OR7A10: variants seen among roughly 807,000 people sequenced by gnomAD.
OR7A10 encodes olfactory receptor 7A10.
For synonymous variants in OR7A10, 144 were observed against 144.5 expected (o/e 1.00, Z 0.02); for missense variants, 358 against 370.1 (o/e 0.97, Z 0.27).
rs757736413 is a variant in OR7A10, at chr19:14,841,299, A to G, written c.579T>C (p.Phe193=). ...CAAAATACATCACTATGTCATTAAG[A>G]AAGGTGTCAGAACAGGCAAGGTGGA... is the stretch of plus-strand genomic sequence containing the variant. ...QVVHLACSDT[F]LNDIVMYFAV... Residue 193 remains phenylalanine (F), a synonymous_variant, in exon 2 of 2, where the codon TTT becomes TTC. Coordinates refer to ENST00000641129, the MANE Select transcript of OR7A10 (RefSeq NM_001005190.2). 1 of 1,614,192 alleles carries G rather than the reference A, an allele frequency of 6.2e-7. No individual in the cohort carries two copies. Among genetic ancestry groups the G allele is most frequent in the Non-Finnish European group, 8.5e-7 (1 of 1,180,028 alleles).
rs2145095301 is a variant in OR7A10 at position 14,841,446 on chromosome 19, C to A, written c.432G>T (p.Leu144=). ...VIMNPQLCGL[L]VLASWIMSVL... is the part of the protein sequence containing the mutation. ...CACTCATGATCCAGGATGCCAGAAC[C>A]AGCAGTCCACAGAGTTGAGGGTTCA... Residue 144 remains leucine (L), a synonymous_variant, in exon 2 of 2, where the codon CTG becomes CTT. Coordinates refer to ENST00000641129, the MANE Select transcript of OR7A10 (RefSeq NM_001005190.2). The A allele has an allele frequency of 6.2e-7, 1 of 1,614,136 alleles. No individual in the cohort carries two copies.
At chr19:14,844,942 C>T (rs1414678682) in intron 1 of OR7A10, among the ~76,000 whole-genome samples, 13 of 151,412 alleles carry the variant, frequency 8.6e-5, no homozygotes, top group Non-Finnish European at 1.6e-4. Flanking sequence ...GGATTATAGG[C>T]GTAAGCCACC....
intron 1 of OR7A10, among the ~76,000 whole-genome samples, chr19:14,847,736 G>A (rs1006774995): frequency 5.3e-5 from 8 of 151,512 alleles, no homozygotes; most frequent in African/African-American, 1.9e-4. Flanking sequence ...GGATGGTCTC[G>A]ATCTCCCGAC....
At chr19:14,846,853 G>A (rs1416019537) in intron 1 of OR7A10, among the ~76,000 whole-genome samples, 2 of 151,980 alleles carry the variant, frequency 1.3e-5, no homozygotes, top group Non-Finnish European at 2.9e-5. Context: ...AAGCTAAAAG[G>A]CACAATAAGG....
At chr19:14,843,613 G>A (rs959984996) in intron 1 of OR7A10, among the ~76,000 whole-genome samples, 1 of 152,158 alleles carries the variant, frequency 6.6e-6, no homozygotes, top group Non-Finnish European at 1.5e-5. Flanking sequence ...TCCCCGTTAG[G>A]AGATCCCCTT....
intron 1 of OR7A10, among the ~76,000 whole-genome samples, chr19:14,844,818 A>AC (rs2044933660): frequency 5.3e-5 from 8 of 151,016 alleles, no homozygotes; most frequent in Admixed American, 5.3e-4. Context: ...GCCTGCTACC[A>AC]CACCCGGCTA....
chr19:14,847,963 A>C lies in OR7A10; in HGVS notation c.-13+537T>G, dbSNP rs191548755. Reference sequence around the variant, plus strand: ...CATGGTGAAACCCTGTCTCTACTAAAAATACCAAATTTAGCTGGGTGTGGT... The same window carrying C: ...CATGGTGAAACCCTGTCTCTACTAACAATACCAAATTTAGCTGGGTGTGGT... On this transcript the variant is annotated intron_variant, in intron 1 of 1. Transcript: ENST00000641129. Among the ~76,000 whole-genome samples the C allele has an allele frequency of 4.9e-3, 746 of 152,062 alleles. 7 individuals carry two copies. The highest frequency in any genetic ancestry group is 0.017 in the African/African-American group (702 of 41,524).
At chr19:14,845,458 G>T (rs918141350) in intron 1 of OR7A10, among the ~76,000 whole-genome samples, 2 of 151,628 alleles carry the variant, frequency 1.3e-5, no homozygotes, top group African/African-American at 4.9e-5. Context: ...CTGGGCAACA[G>T]AGCAAGACTC....
intron 1 of OR7A10, among the ~76,000 whole-genome samples, chr19:14,844,914 CG>C (rs2044934273): frequency 6.6e-6 from 1 of 151,618 alleles, no homozygotes; most frequent in Non-Finnish European, 1.5e-5. Flanking sequence ...CTGCCCACCT[CG>C]GCCTCCCAAA....
intron 1 of OR7A10, among the ~76,000 whole-genome samples, chr19:14,846,105 G>T (rs2044941590): frequency 6.6e-6 from 1 of 152,088 alleles, no homozygotes; most frequent in South Asian, 2.1e-4. Context: ...AGTAAGCCGA[G>T]ATCGCACCAT....
Position 14,841,654 on chromosome 19 carries a change from G to C in OR7A10, c.224C>G (p.Ser75Cys). 1 of 1,614,188 alleles carries C rather than the reference G, an allele frequency of 6.2e-7. No homozygotes were observed. Among genetic ancestry groups the C allele is most frequent in the Non-Finnish European group, 8.5e-7 (1 of 1,180,026 alleles). The part of the protein sequence containing the change: ...NLSFVDICFV[S>C]TTVPKMLVNI... ...CACCAGCATCTTCGGGACAGTGGTA[G>C]AGACAAAACAGATGTCTACGAAGGA... The change falls in exon 2 of 2, where the codon TCT becomes TGT. Residue 75 changes from serine to cysteine, a missense_variant. By Grantham distance (112) the Ser-to-Cys change is moderately radical (BLOSUM62 -1). Transcript: ENST00000641129.
At position 14,841,050 on chromosome 19, in the gene OR7A10, C is replaced by T; in HGVS notation, c.828G>A (p.Val276=). The T allele has an allele frequency of 6.2e-7, 1 of 1,614,112 alleles. No homozygotes were observed. Among genetic ancestry groups the T allele is most frequent in the Non-Finnish European group, 8.5e-7 (1 of 1,180,016 alleles). ...HNSHTGAAAS[V]MYTVVTPMLN... is the part of the protein sequence containing the mutation. ...GCATGGGGGTGACCACAGTGTACATCACTGAGGCTGCAGCACCTGTGTGTG... is the reference window on the plus strand; with the variant it reads ...GCATGGGGGTGACCACAGTGTACATTACTGAGGCTGCAGCACCTGTGTGTG... The change falls in exon 2 of 2, where the codon GTG becomes GTA. Residue 276 remains valine, a synonymous_variant. Coordinates refer to ENST00000641129, the MANE Select transcript of OR7A10 (RefSeq NM_001005190.2).
At position 14,841,638 on chromosome 19, in the gene OR7A10, C is replaced by T. The variant is rs779058265; in HGVS notation, c.240G>A (p.Lys80=). ...TGTGTGTCTGGATGTTCACCAGCAT[C>T]TTCGGGACAGTGGTAGAGACAAAAC... ...DICFVSTTVP[K]MLVNIQTHNK... Residue 80 remains lysine, a synonymous_variant, in exon 2 of 2, where the codon AAG becomes AAA. Coordinates refer to ENST00000641129, the MANE Select transcript of OR7A10 (RefSeq NM_001005190.2). 1.9e-6 allele frequency: 3 copies of T among 1,614,044 alleles called. No individual in the cohort carries two copies. The highest frequency in any genetic ancestry group is 4.5e-5 in the East Asian group (2 of 44,892).
Position 14,841,790 on chromosome 19 carries a change from G to A in OR7A10, c.88C>T (p.Leu30=). ...GTGACCAGGTACATGGACAGGAACA[G>A]CCCAAAGAGGAAGGCCTGCAATTCT... ...EPELQAFLFG[L]FLSMYLVTVL... is the part of the protein sequence containing the mutation. The change falls in exon 2 of 2, where the codon CTG becomes TTG. Residue 30 remains leucine (L), a synonymous_variant. Coordinates refer to ENST00000641129, the MANE Select transcript of OR7A10 (RefSeq NM_001005190.2). 4.3e-6 allele frequency: 7 copies of A among 1,614,078 alleles called. No homozygotes were observed. The highest frequency in any genetic ancestry group is 5.9e-6 in the Non-Finnish European group (7 of 1,180,008).
intron 1 of OR7A10, among the ~76,000 whole-genome samples, chr19:14,844,665 T>TTTTTTTTTTTTTTTTTTTTTTTTTTTG (rs2044932177): frequency 3.5e-5 from 1 of 28,540 alleles, no homozygotes; most frequent in Non-Finnish European, 6.0e-5. Flanking sequence ...GAGTTCTGTG[T>TTTTTTTTTTTTTTTTTTTTTTTTTTTG]TTTTTTTTTT....
At chr19:14,843,571 G>A (rs2145096632) in intron 1 of OR7A10, among the ~76,000 whole-genome samples, 1 of 152,244 alleles carries the variant, frequency 6.6e-6, no homozygotes, top group African/African-American at 2.4e-5. Flanking sequence ...CATTCTACAA[G>A]AAGTTAATTT....
intron 1 of OR7A10, among the ~76,000 whole-genome samples, chr19:14,842,538 A>G (rs1340753784): frequency 2.6e-5 from 4 of 152,226 alleles, no homozygotes; most frequent in Non-Finnish European, 5.9e-5. Context: ...GGCATGAGCC[A>G]TGTACCTGGA....
intron 1 of OR7A10, among the ~76,000 whole-genome samples, chr19:14,847,397 T>C (rs2044947701): frequency 6.6e-6 from 1 of 152,244 alleles, no homozygotes; most frequent in Non-Finnish European, 1.5e-5. Flanking sequence ...GAAAAGCAGC[T>C]GAAAACTGTA....
chr19:14,843,796 G>T (rs544094040), intron 1 of OR7A10, among the ~76,000 whole-genome samples: 57 of 152,266 alleles, frequency 3.7e-4, no homozygotes, highest in Admixed American at 9.8e-4. Context: ...CCTTGTGTTA[G>T]TTTGCTGAGA....
Sources: allele counts gnomAD v4.1 joint callset (sites outside exome capture counted in the v4.1 genomes callset), GRCh38; gene constraint gnomAD v4.1.1; transcripts MANE v1.5; gene names NCBI Gene and HGNC (gene_info 2026-07-23, HGNC 2026-07-21).